The following ENOX1 variants were observed in gnomAD, a reference collection of about 807,000 sequenced individuals.
ENOX1 encodes candidate growth-related and time keeping constitutive hydroquinone (NADH) oxidase.
ENOX1 carries 42 observed loss-of-function variants against 82.5 expected under a neutral mutation model. The observed-to-expected ratio is 0.51, with a 90% confidence interval of 0.40 to 0.66. The LOEUF (loss-of-function observed/expected upper bound fraction) is 0.66, where lower values mean the gene tolerates loss of function less well. Among genes scored for constraint, ENOX1 ranks in the 30% least tolerant of loss-of-function variants. The pLI, the probability that ENOX1 is intolerant of heterozygous loss-of-function variation, is 0.00. For missense variants in ENOX1, 608 were observed against 811.6 expected, an observed-to-expected ratio of 0.75 and a Z score of 3.05; for synonymous variants, 271 against 282.2, an observed-to-expected ratio of 0.96 and a Z score of 0.40.
chr13:43,300,733 T>C (rs146602916), intron 11 of ENOX1, among the ~76,000 whole-genome samples: 3 of 152,138 alleles, frequency 2.0e-5, no homozygotes, highest in Admixed American at 2.0e-4. Context: ...TGGAAGGACA[T>C]GATGAAATTG....
At chr13:43,711,079 C>T (rs2087671624) in intron 1 of ENOX1, among the ~76,000 whole-genome samples, 1 of 115,908 alleles carries the variant, frequency 8.6e-6, no homozygotes, top group Admixed American at 1.0e-4. Context: ...CTCCCCCCAC[C>T]CCACAACAGT....
chr13:43,522,416 C>T (rs942360012), intron 2 of ENOX1, among the ~76,000 whole-genome samples: 1 of 151,994 alleles, frequency 6.6e-6, no homozygotes, highest in African/African-American at 2.4e-5. Context: ...TTAATAATTC[C>T]CATATTTCAA....
At position 43,388,432 on chromosome 13, in the gene ENOX1, G is replaced by A. The variant is rs376988518; in HGVS notation, c.208+23484C>T. On this transcript the variant is annotated intron_variant, in intron 5 of 16. Transcript: ENST00000690772. ...TTCTTTGTACTCCATTACTCTTTGGGGTAAAACCTGTTTGACAACTCAGTT... is the reference window on the plus strand; with the variant it reads ...TTCTTTGTACTCCATTACTCTTTGGAGTAAAACCTGTTTGACAACTCAGTT... 7.2e-5 allele frequency among the ~76,000 whole-genome samples: 11 copies of A among 152,168 alleles called. No individual in the cohort carries two copies. In the East Asian group the frequency reaches 2.1e-3, roughly 29 times the overall value.
At chr13:43,563,601 A>G (rs1593837756) in intron 2 of ENOX1, among the ~76,000 whole-genome samples, 1 of 150,718 alleles carries the variant, frequency 6.6e-6, no homozygotes, top group East Asian at 1.9e-4. Flanking sequence ...TGGTTTTTCG[A>G]AAAGTTAAAC....
intron 12 of ENOX1, among the ~76,000 whole-genome samples, chr13:43,272,515 TTTAATAGAACACCAAGATTC>T (rs1346581497): frequency 6.6e-6 from 1 of 152,202 alleles, no homozygotes; most frequent in Non-Finnish European, 1.5e-5. Flanking sequence ...TTGTTGCCAG[TTTAATAGAACACCAAGATTC>T]TTCATCTTTG....
chr13:43,583,773 TAC>T (rs1474482787), intron 2 of ENOX1, among the ~76,000 whole-genome samples: 1 of 152,198 alleles, frequency 6.6e-6, no homozygotes, highest in Non-Finnish European at 1.5e-5. Flanking sequence ...AGCCATGTAT[TAC>T]AGATATTTGT....
At chr13:43,510,877 C>G (rs2077341055) in intron 2 of ENOX1, among the ~76,000 whole-genome samples, 1 of 152,034 alleles carries the variant, frequency 6.6e-6, no homozygotes, top group Non-Finnish European at 1.5e-5. Flanking sequence ...CGGGCTGGTA[C>G]AAAGTAAGCA....
intron 2 of ENOX1, among the ~76,000 whole-genome samples, chr13:43,510,933 G>C (rs1251650061): frequency 6.6e-6 from 1 of 152,042 alleles, no homozygotes; most frequent in Admixed American, 6.6e-5. Flanking sequence ...TATTACTATA[G>C]GGATGCAGAA....
chr13:43,726,146 A>G (rs1322269694), intron 1 of ENOX1, among the ~76,000 whole-genome samples: 2 of 152,150 alleles, frequency 1.3e-5, no homozygotes, highest in East Asian at 3.8e-4. Context: ...TAAATCCACA[A>G]TAAAGAATAC....
intron 5 of ENOX1, among the ~76,000 whole-genome samples, chr13:43,364,771 TC>T (rs2050743031): frequency 6.6e-6 from 1 of 152,016 alleles, no homozygotes; most frequent in Admixed American, 6.6e-5. Flanking sequence ...AGTAGTAAGT[TC>T]CCCACTTGAG....
intron 1 of ENOX1, among the ~76,000 whole-genome samples, chr13:43,720,521 T>C (rs1269265578): frequency 6.6e-6 from 1 of 152,212 alleles, no homozygotes; most frequent in Non-Finnish European, 1.5e-5. Context: ...TTTTCTCTAC[T>C]ACTCAGTGCT....
At chr13:43,759,622 T>C (rs771806146) in intron 1 of ENOX1, among the ~76,000 whole-genome samples, 11 of 152,214 alleles carry the variant, frequency 7.2e-5, no homozygotes, top group Non-Finnish European at 1.0e-4. Context: ...AATCAGAGGA[T>C]GACACTCTAA....
chr13:43,742,578 A>C (rs1383344842), intron 1 of ENOX1, among the ~76,000 whole-genome samples: 3 of 152,144 alleles, frequency 2.0e-5, no homozygotes, highest in Non-Finnish European at 4.4e-5. Context: ...TTCAAATGTT[A>C]ATCTCTTTCA....
intron 1 of ENOX1, among the ~76,000 whole-genome samples, chr13:43,683,444 A>G (rs1210309608): frequency 6.6e-6 from 1 of 152,148 alleles, no homozygotes; most frequent in African/African-American, 2.4e-5. Context: ...ATCTTTCCCA[A>G]TGAGATGCAG....
chr13:43,606,518 T>C (rs1449286633), intron 2 of ENOX1, among the ~76,000 whole-genome samples: 3 of 152,118 alleles, frequency 2.0e-5, no homozygotes, highest in East Asian at 1.9e-4. Flanking sequence ...AAGGAGGTCG[T>C]TATATTAGGT....
intron 12 of ENOX1, among the ~76,000 whole-genome samples, chr13:43,287,514 G>A (rs2045766383): frequency 6.6e-6 from 1 of 152,168 alleles, no homozygotes; most frequent in Admixed American, 6.5e-5. Flanking sequence ...GACATCCTGA[G>A]TTTCCCAAAG....
At chr13:43,717,773 A>G (rs138007898) in intron 1 of ENOX1, among the ~76,000 whole-genome samples, 1 of 152,358 alleles carries the variant, frequency 6.6e-6, no homozygotes, top group African/African-American at 2.4e-5. Flanking sequence ...CAAGTGGCCA[A>G]CAAACATGAA....
chr13:43,559,236 G>A lies in ENOX1; in HGVS notation c.-218-75084C>T, dbSNP rs57546506. On this transcript the variant is annotated intron_variant, in intron 2 of 16. Coordinates refer to ENST00000690772, the MANE Select transcript of ENOX1 (RefSeq NM_001347969.2). ...CCTGCTGAATCCTCAAATATGCAAG[G>A]GGCTTATTCACAAAATGCTTCACAA... Among the ~76,000 whole-genome samples the A allele has an allele frequency of 3.9e-5, 6 of 152,180 alleles. No individual in the cohort carries two copies. In the South Asian group the frequency reaches 1.0e-3, roughly 26 times the overall value.
intron 1 of ENOX1, among the ~76,000 whole-genome samples, chr13:43,691,138 T>A (rs1451496605): frequency 1.3e-5 from 2 of 152,128 alleles, no homozygotes; most frequent in African/African-American, 4.8e-5. Context: ...CACAAGACAA[T>A]CTTGTCTCCT....
Sources: allele counts gnomAD v4.1 joint callset (sites outside exome capture counted in the v4.1 genomes callset), GRCh38; gene constraint gnomAD v4.1.1; transcripts MANE v1.5; gene names NCBI Gene and HGNC (gene_info 2026-07-23, HGNC 2026-07-21).